The following CFAP43 variants were observed in gnomAD, a reference collection of about 807,000 sequenced individuals.
CFAP43 encodes the protein cilia- and flagella-associated protein 43.
Under a neutral mutation model 218.9 loss-of-function variants are expected in CFAP43, and 155 were observed. The ratio of observed to expected loss-of-function variants is 0.71; its 90% CI spans 0.62 to 0.81. The LOEUF (loss-of-function observed/expected upper bound fraction) is 0.81. Ranked by LOEUF, CFAP43 falls within the 30% of genes least tolerant of loss-of-function variation. CFAP43 has a pLI of 0.00. For missense variants in CFAP43, 1,778 were observed against 1,954.3 expected (o/e 0.91, Z 1.70); for synonymous variants, 645 against 681.3 (o/e 0.95, Z 0.83).
intron 34 of CFAP43, 80 bp downstream of exon 34, chr10:104,140,762 G>A: frequency 1.7e-6 from 2 of 1,169,494 alleles, no homozygotes; most frequent in Non-Finnish European, 2.4e-6. Context: ...GCTGCAGTGA[G>A]CCATGATTGT....
intron 12 of CFAP43, among the ~76,000 whole-genome samples, chr10:104,189,887 G>A (rs1453710195): frequency 6.6e-6 from 1 of 152,012 alleles, no homozygotes; most frequent in Admixed American, 6.5e-5. Context: ...ACAAAAAAAG[G>A]CCAGGCGTGG....
intron 27 of CFAP43, among the ~76,000 whole-genome samples, chr10:104,155,274 C>T (rs2088482723): frequency 6.6e-6 from 1 of 152,102 alleles, no homozygotes; most frequent in South Asian, 2.1e-4. Context: ...CTTGATCATC[C>T]AAGGGCAACA....
At chr10:104,188,245 A>C in intron 13 of CFAP43, 25 bp downstream of exon 13, 1 of 1,612,266 alleles carries the variant, frequency 6.2e-7, no homozygotes, top group Non-Finnish European at 8.5e-7. Flanking sequence ...TCAGGAGCAG[A>C]ACTGGCTGCT....
intron 31 of CFAP43, among the ~76,000 whole-genome samples, chr10:104,144,153 C>A (rs1278650698): frequency 1.3e-5 from 2 of 152,200 alleles, no homozygotes; most frequent in Non-Finnish European, 2.9e-5. Context: ...ATATTATCAT[C>A]CCCATTCTCT....
At chr10:104,185,946 A>G (rs749273242) in intron 15 of CFAP43, 28 bp downstream of exon 15, 10 of 1,601,842 alleles carry the variant, frequency 6.2e-6, no homozygotes, top group Admixed American at 3.5e-5. Flanking sequence ...ATACACCCAC[A>G]ATATTTTTTT....
At position 104,185,017 on chromosome 10, in the gene CFAP43, T is replaced by C. The variant is rs2089985693; in HGVS notation, c.2140A>G (p.Lys714Glu). Residue 714 changes from lysine (K) to glutamate (E), a missense_variant and splice_region_variant, in exon 16 of 38, where the codon AAG (lysine) becomes GAG (glutamate). This residue lies in a region of CFAP43 where 1,553 missense variants were observed against 1,685.2 expected (regional missense o/e 0.92). Coordinates refer to ENST00000357060, the MANE Select transcript of CFAP43 (RefSeq NM_025145.7). Reference sequence around the variant, plus strand: ...TTACTTACTGAATACTGTACGTACTTCCACTTTAGGTAGACAAGGGTGCCA... The same window carrying C: ...TTACTTACTGAATACTGTACGTACTCCCACTTTAGGTAGACAAGGGTGCCA... ...DDGTLVYLKW[K>E]RFGGHLASEI... 3 of 1,613,884 alleles carry C rather than the reference T, an allele frequency of 1.9e-6. No individual in the cohort carries two copies. The highest frequency in any genetic ancestry group is 2.5e-6 in the Non-Finnish European group (3 of 1,179,954).
chr10:104,167,320 A>G (rs899356078), intron 22 of CFAP43, among the ~76,000 whole-genome samples: 5 of 152,186 alleles, frequency 3.3e-5, no homozygotes, highest in African/African-American at 1.2e-4. Flanking sequence ...GATGAAAAGG[A>G]TATGTGTGGA....
chr10:104,164,331 T>C (rs1589679324), intron 23 of CFAP43, 31 bp from the exon 24 acceptor site: 1 of 1,413,388 alleles, frequency 7.1e-7, no homozygotes, highest in East Asian at 2.4e-5. Context: ...TGAAAACACA[T>C]CACATATTAT....
At chr10:104,217,353 T>G (rs1020846615) in intron 3 of CFAP43, among the ~76,000 whole-genome samples, 1 of 119,934 alleles carries the variant, frequency 8.3e-6, no homozygotes, top group African/African-American at 5.1e-5. Context: ...TCTTTCTTTC[T>G]TTTTCTTTCT....
intron 13 of CFAP43, 117 bp from the exon 14 acceptor site, chr10:104,187,609 G>A (rs550966532): frequency 7.7e-5 from 65 of 846,264 alleles, no homozygotes; most frequent in Admixed American, 1.1e-4. Flanking sequence ...CTAATATTGC[G>A]GAAGCTAGTA....
rs938516231 is a variant in CFAP43, at chr10:104,214,151, A to G, written c.584+108T>C. The G allele has an allele frequency of 6.8e-6, 7 of 1,031,334 alleles. No individual in the cohort carries two copies. In the African/African-American group the frequency reaches 1.1e-4, roughly 17 times the overall value. The allele number at this position is 1,031,334 out of a possible 1,614,324, so 63.9% of individuals were successfully genotyped here. A position where few individuals can be genotyped will look rare whatever the true frequency, so the allele number is the denominator to read the frequency against. ...TATGTGTGTGTATGTGTGTGTATGC[A>G]TATATATGTATGTATAAAGCCACTT... On this transcript the variant is annotated intron_variant, in intron 4 of 37. Transcript: ENST00000357060.
intron 34 of CFAP43, among the ~76,000 whole-genome samples, chr10:104,136,258 C>CA (rs368792618): frequency 0.78 from 67,123 of 85,792 alleles, 26,384 homozygotes; most frequent in Non-Finnish European, 0.84. Flanking sequence ...TTCTCCATTT[C>CA]AAAAAAAAAA....
chr10:104,199,511 C>T (rs998565461), intron 8 of CFAP43, among the ~76,000 whole-genome samples: 2 of 152,134 alleles, frequency 1.3e-5, no homozygotes, highest in Non-Finnish European at 2.9e-5. Context: ...AGACAAAATC[C>T]CCTGCCCTCA....
intron 10 of CFAP43, among the ~76,000 whole-genome samples, chr10:104,194,579 G>A (rs1196816679): frequency 6.6e-6 from 1 of 152,052 alleles, no homozygotes; most frequent in African/African-American, 2.4e-5. Context: ...TATGACTAAG[G>A]AAGACTTAAG....
At chr10:104,140,572 A>T (rs1051701802) in intron 34 of CFAP43, among the ~76,000 whole-genome samples, 2 of 152,238 alleles carry the variant, frequency 1.3e-5, no homozygotes, top group African/African-American at 4.8e-5. Context: ...CTGGGAGGCC[A>T]GAGCAGGAGG....
chr10:104,164,777 T>C (rs1357384610), intron 23 of CFAP43, among the ~76,000 whole-genome samples: 1 of 152,196 alleles, frequency 6.6e-6, no homozygotes, highest in African/African-American at 2.4e-5. Flanking sequence ...GGCTCAATAA[T>C]CTACAGTGGC....
chr10:104,136,608 G>A (rs2087463588), intron 34 of CFAP43, among the ~76,000 whole-genome samples: 2 of 151,990 alleles, frequency 1.3e-5, no homozygotes, highest in African/African-American at 2.4e-5. Context: ...GACCTCAGGT[G>A]ATCCCACCTC....
At chr10:104,163,641 T>C (rs989933155) in intron 24 of CFAP43, among the ~76,000 whole-genome samples, 1 of 152,144 alleles carries the variant, frequency 6.6e-6, no homozygotes, top group Non-Finnish European at 1.5e-5. Context: ...GTTCCCGCAA[T>C]GTGACCCAAC....
rs1044135491 is a variant in CFAP43, at chr10:104,132,939, G to A, written c.4596+681C>T. 7 of 331,884 alleles carry A rather than the reference G, an allele frequency of 2.1e-5. No homozygotes were observed. In the East Asian group the frequency reaches 1.0e-3, roughly 48 times the overall value. The allele number at this position is 331,884 out of a possible 1,614,324, so 20.6% of individuals were successfully genotyped here. ...ATGTAGAGTGTCATGCTAATTCAAA[G>A]GTGGTTTGTAATGAGATGGAATTTC... On this transcript the variant is annotated intron_variant, in intron 35 of 37. Coordinates refer to ENST00000357060, the MANE Select transcript of CFAP43 (RefSeq NM_025145.7).
Sources: allele counts gnomAD v4.1 joint callset (sites outside exome capture counted in the v4.1 genomes callset), GRCh38; gene constraint gnomAD v4.1.1; regional missense constraint gnomAD v4.1.1; transcripts MANE v1.5; gene names NCBI Gene and HGNC (gene_info 2026-07-23, HGNC 2026-07-21).